The following PPP6R3 variants were observed in gnomAD, a reference collection of about 807,000 sequenced individuals.
The protein encoded by PPP6R3 is serine/threonine-protein phosphatase 6 regulatory subunit 3.
PPP6R3 carries 38 observed loss-of-function variants against 110.7 expected under a neutral mutation model. The ratio of observed to expected loss-of-function variants is 0.34; its 90% CI spans 0.26 to 0.45. PPP6R3 has a LOEUF of 0.45. PPP6R3 is among the 20% of genes least tolerant of loss of function. The pLI, the probability that PPP6R3 is intolerant of heterozygous loss-of-function variation, is 1.00. For missense variants in PPP6R3, 870 were observed against 1,062.4 expected, an observed-to-expected ratio of 0.82 and a Z score of 2.52; for synonymous variants, 369 against 373.5, an observed-to-expected ratio of 0.99 and a Z score of 0.14.
intron 6 of PPP6R3, among the ~76,000 whole-genome samples, chr11:68,553,669 C>T (rs962267750): frequency 2.0e-5 from 3 of 151,982 alleles, no homozygotes; most frequent in Non-Finnish European, 4.4e-5. Context: ...TGGGGATACA[C>T]GTTGAGTATC....
At chr11:68,486,019 GA>G (rs57775252) in intron 1 of PPP6R3, among the ~76,000 whole-genome samples, 40,186 of 123,528 alleles carry the variant, frequency 0.33, 5,647 homozygotes, top group Middle Eastern at 0.48. Context: ...AAAAATACAA[GA>G]AAAAAAAAAA....
Position 68,613,301 on chromosome 11 carries a change from T to C in PPP6R3, c.*184T>C, listed in dbSNP as rs934267310. On this transcript the variant is annotated 3_prime_UTR_variant, in exon 24 of 24. Coordinates refer to ENST00000393800, the MANE Select transcript of PPP6R3 (RefSeq NM_001164161.2). ...AGAGAAATTCAGAAGTGTAAAAATATTGCACATTGACAAATACCAAGAATT... is the reference window on the plus strand; with the variant it reads ...AGAGAAATTCAGAAGTGTAAAAATACTGCACATTGACAAATACCAAGAATT... 5.2e-6 allele frequency: 7 copies of C among 1,343,156 alleles called. No homozygotes were observed. The highest frequency in any genetic ancestry group is 2.0e-5 in the South Asian group (1 of 49,480). 83.2% of individuals were successfully genotyped at this position (1,343,156 alleles called of 1,614,324 possible).
chr11:68,466,044 C>G (rs186117665), intron 1 of PPP6R3, among the ~76,000 whole-genome samples: 2 of 152,196 alleles, frequency 1.3e-5, no homozygotes, highest in African/African-American at 4.8e-5. Context: ...GACACTGACT[C>G]TCTGGTTCCA....
chr11:68,488,726 C>T (rs2098964595), intron 1 of PPP6R3: 1 of 152,108 alleles, frequency 6.6e-6, no homozygotes, highest in South Asian at 2.1e-4. Context: ...CCTGATTGAT[C>T]ATGATGGCCT....
At chr11:68,550,368 G>C (rs946800154) in intron 5 of PPP6R3, among the ~76,000 whole-genome samples, 1 of 152,062 alleles carries the variant, frequency 6.6e-6, no homozygotes, top group Non-Finnish European at 1.5e-5. Context: ...TTAGCTTTCC[G>C]GGCTTTTTAT....
At position 68,473,826 on chromosome 11, in the gene PPP6R3, T is replaced by C. The variant is rs554532797; in HGVS notation, c.-158+12999T>C. On this transcript the variant is annotated intron_variant, in intron 1 of 23. Coordinates refer to ENST00000393800, the MANE Select transcript of PPP6R3 (RefSeq NM_001164161.2). Reference sequence around the variant, plus strand: ...TTTTGTCTCTTTATTACTGGATTTCTACTTTTTGGCTGTTGTGAGTAATAC... The same window carrying C: ...TTTTGTCTCTTTATTACTGGATTTCCACTTTTTGGCTGTTGTGAGTAATAC... Among the ~76,000 whole-genome samples the C allele has an allele frequency of 1.6e-3, 237 of 151,804 alleles. 1 individual carries two copies. The highest frequency in any genetic ancestry group is 5.6e-3 in the African/African-American group (231 of 41,046).
chr11:68,555,080 T>C (rs1381998922), intron 7 of PPP6R3, among the ~76,000 whole-genome samples: 2 of 152,210 alleles, frequency 1.3e-5, no homozygotes, highest in Admixed American at 1.3e-4. Context: ...GACAAGTTAA[T>C]GTGTCTTCAA....
At chr11:68,530,698 C>G (rs1049917792) in intron 2 of PPP6R3, among the ~76,000 whole-genome samples, 2 of 152,218 alleles carry the variant, frequency 1.3e-5, no homozygotes, top group African/African-American at 4.8e-5. Flanking sequence ...TAATGCTCTC[C>G]TGTTTGGGTT....
chr11:68,581,828 CAG>C (rs2099555785), intron 14 of PPP6R3, among the ~76,000 whole-genome samples: 2 of 152,186 alleles, frequency 1.3e-5, no homozygotes, highest in Non-Finnish European at 2.9e-5. Flanking sequence ...GATTCACAAA[CAG>C]AATGGGAGTG....
intron 15 of PPP6R3, chr11:68,587,179 C>T (rs1386527171): frequency 6.9e-6 from 1 of 144,240 alleles, no homozygotes; most frequent in Admixed American, 6.9e-5. Flanking sequence ...TTATAACACC[C>T]CCCCCCCCCA....
intron 2 of PPP6R3, among the ~76,000 whole-genome samples, chr11:68,522,291 A>G (rs2099167910): frequency 6.6e-6 from 1 of 152,258 alleles, no homozygotes; most frequent in Admixed American, 6.5e-5. Context: ...GTCCACTGCC[A>G]ATCTGTATGA....
chr11:68,612,038 A>G (rs933258068), intron 23 of PPP6R3, among the ~76,000 whole-genome samples: 3 of 152,208 alleles, frequency 2.0e-5, no homozygotes, highest in South Asian at 2.1e-4. Context: ...TCATATGTAT[A>G]CTAGTGAAGC....
intron 8 of PPP6R3, 55 bp from the exon 9 acceptor site, chr11:68,564,248 C>T: frequency 6.6e-7 from 1 of 1,511,620 alleles, no homozygotes. Flanking sequence ...GGTCGATAAC[C>T]TTGAATGATT....
intron 3 of PPP6R3, among the ~76,000 whole-genome samples, chr11:68,539,649 T>C (rs1353431399): frequency 6.6e-6 from 1 of 152,106 alleles, no homozygotes; most frequent in African/African-American, 2.4e-5. Flanking sequence ...GATCTGAAAG[T>C]GCTTTAGGGT....
chr11:68,564,978 G>T (rs954097362), intron 9 of PPP6R3, among the ~76,000 whole-genome samples: 1 of 152,108 alleles, frequency 6.6e-6, no homozygotes, highest in African/African-American at 2.4e-5. Flanking sequence ...GTGTTCTTTC[G>T]CCCCTTGGAT....
intron 1 of PPP6R3, among the ~76,000 whole-genome samples, chr11:68,509,251 T>C (rs2099095168): frequency 6.6e-6 from 1 of 152,232 alleles, no homozygotes; most frequent in South Asian, 2.1e-4. Context: ...CATCTGTTTG[T>C]GTTTAACTTT....
chr11:68,520,540 A>G (rs2099158980), intron 2 of PPP6R3, among the ~76,000 whole-genome samples: 2 of 152,198 alleles, frequency 1.3e-5, no homozygotes, highest in African/African-American at 4.8e-5. Flanking sequence ...ACTACTTTGC[A>G]TATGATGTCT....
intron 19 of PPP6R3, among the ~76,000 whole-genome samples, chr11:68,598,806 G>A (rs773540419): frequency 6.6e-6 from 1 of 152,198 alleles, no homozygotes; most frequent in Non-Finnish European, 1.5e-5. Flanking sequence ...TGCATAGAGT[G>A]GGCAGGCAAA....
At chr11:68,609,712 C>A in intron 22 of PPP6R3, 192 bp from the exon 23 acceptor site, 1 of 1,574,926 alleles carries the variant, frequency 6.3e-7, no homozygotes, top group Non-Finnish European at 8.7e-7. Flanking sequence ...CTGTGTGCGA[C>A]CCTTTCCTTT....
Sources: allele counts gnomAD v4.1 joint callset (sites outside exome capture counted in the v4.1 genomes callset), GRCh38; gene constraint gnomAD v4.1.1; transcripts MANE v1.5; gene names NCBI Gene and HGNC (gene_info 2026-07-23, HGNC 2026-07-21).